CA12: variants seen among roughly 807,000 people sequenced by gnomAD.
The protein encoded by CA12 is carbonic anhydrase 12.
CA12 carries 36 observed loss-of-function variants against 46.8 expected under a neutral mutation model. The observed-to-expected ratio is 0.77, with a 90% CI of 0.59 to 1.02. The LOEUF (loss-of-function observed/expected upper bound fraction) is 1.02, where lower values mean the gene tolerates loss of function less well. CA12 is among the 50% of genes least tolerant of loss of function. CA12 has a pLI of 0.00. For missense variants in CA12, 436 were observed against 451.4 expected (o/e 0.97, Z 0.31); for synonymous variants, 202 against 187.0 (o/e 1.08, Z -0.65).
chr15:63,349,111 T>C (rs1219698676), intron 2 of CA12, among the ~76,000 whole-genome samples: 1 of 152,172 alleles, frequency 6.6e-6, no homozygotes, highest in Non-Finnish European at 1.5e-5. Context: ...GTGGGTTATG[T>C]TCCCTGCTGG....
chr15:63,333,432 G>A (rs2038960973), intron 8 of CA12, among the ~76,000 whole-genome samples: 1 of 152,232 alleles, frequency 6.6e-6, no homozygotes, highest in African/African-American at 2.4e-5. Flanking sequence ...AACATGTGGT[G>A]TGTGAAAGGC....
chr15:63,365,324 G>A lies in CA12; in HGVS notation c.106+10334C>T, dbSNP rs376127251. Among the ~76,000 whole-genome samples the A allele has an allele frequency of 1.7e-4, 26 of 152,194 alleles. No homozygotes were observed. In the East Asian group the frequency reaches 1.7e-3, roughly 10 times the overall value. Reference sequence around the variant, plus strand: ...AAAAAAATCCCTGCATTTCCTCAACGGCATGAGGTGTAGTGCAGGGCACAC... The same window carrying A: ...AAAAAAATCCCTGCATTTCCTCAACAGCATGAGGTGTAGTGCAGGGCACAC... On this transcript the variant is annotated intron_variant, in intron 2 of 10. Coordinates refer to ENST00000178638, the MANE Select transcript of CA12 (RefSeq NM_001218.5).
At chr15:63,333,186 T>C (rs1371429465) in intron 8 of CA12, among the ~76,000 whole-genome samples, 1 of 152,210 alleles carries the variant, frequency 6.6e-6, no homozygotes, top group Non-Finnish European at 1.5e-5. Flanking sequence ...GCATCTGCCC[T>C]ACAGTTTTGG....
At chr15:63,375,622 C>A (rs1283680853) in intron 2 of CA12, 36 bp downstream of exon 2, 3 of 1,370,218 alleles carry the variant, frequency 2.2e-6, no homozygotes, top group African/African-American at 2.9e-5. Context: ...TTTCTATTTT[C>A]TTTTCAACAA....
intron 2 of CA12, among the ~76,000 whole-genome samples, chr15:63,353,269 C>A (rs1285826688): frequency 6.6e-6 from 1 of 152,014 alleles, no homozygotes; most frequent in Non-Finnish European, 1.5e-5. Flanking sequence ...AGAGGAGGCG[C>A]CGTTAAAGCT....
chr15:63,336,830 G>T (rs2039010776), intron 8 of CA12, among the ~76,000 whole-genome samples: 1 of 152,124 alleles, frequency 6.6e-6, no homozygotes, highest in Non-Finnish European at 1.5e-5. Context: ...CCCCTTCCCT[G>T]GGTGTGCATA....
chr15:63,367,451 C>G (rs746909550), intron 2 of CA12, among the ~76,000 whole-genome samples: 10 of 152,170 alleles, frequency 6.6e-5, no homozygotes, highest in Non-Finnish European at 1.3e-4. Flanking sequence ...AGGAGCCACC[C>G]TGGGAAGGCA....
chr15:63,334,085 C>A (rs1010536937), intron 8 of CA12, among the ~76,000 whole-genome samples: 1 of 152,010 alleles, frequency 6.6e-6, no homozygotes, highest in Non-Finnish European at 1.5e-5. Context: ...CCTGTGATGT[C>A]CCCCTGCCTC....
chr15:63,371,045 A>G (rs997376321), intron 2 of CA12, among the ~76,000 whole-genome samples: 1 of 152,342 alleles, frequency 6.6e-6, no homozygotes, highest in African/African-American at 2.4e-5. Flanking sequence ...GAGGTCACAC[A>G]GTGCCTTTAT....
intron 1 of CA12, among the ~76,000 whole-genome samples, chr15:63,379,830 A>G (rs1258969523): frequency 1.3e-5 from 2 of 152,248 alleles, no homozygotes; most frequent in Admixed American, 1.3e-4. Context: ...CAAGCTCTGC[A>G]GAATTCACTG....
rs780590139 is a variant in CA12 at position 63,330,883 on chromosome 15, GA to G, written c.875-2754del. Among the ~76,000 whole-genome samples, 1 of 152,192 alleles carries G rather than the reference GA, an allele frequency of 6.6e-6. No individual in the cohort carries two copies. Among genetic ancestry groups the G allele is most frequent in the Non-Finnish European group, 1.5e-5 (1 of 68,032 alleles). On this transcript the variant is annotated intron_variant, in intron 8 of 10. Coordinates refer to ENST00000178638, the MANE Select transcript of CA12 (RefSeq NM_001218.5). The surrounding 1 kb of genome is among the most constrained non-coding windows in gnomAD (Gnocchi z 4.0). ...TAAATGGACTCTCCTTGGAAACAAC[GA>G]AATGAGACCAAACAGGCATGAAGAC...
intron 2 of CA12, among the ~76,000 whole-genome samples, chr15:63,362,071 C>T (rs2039370776): frequency 6.6e-6 from 1 of 152,078 alleles, no homozygotes. Flanking sequence ...GCTTTGCGGG[C>T]CCTGTGGTTT....
chr15:63,328,203 G>C lies in CA12; in HGVS notation c.875-73C>G. On this transcript the variant is annotated intron_variant, in intron 8 of 10. Coordinates refer to ENST00000178638, the MANE Select transcript of CA12 (RefSeq NM_001218.5). The surrounding 1 kb of genome is among the most constrained non-coding windows in gnomAD (Gnocchi z 5.9). ...ACTGGATTTGAGCAGCGTGTTGAGA[G>C]ACGCTCTACCATTTGTTTGGTCTTA... is the stretch of plus-strand genomic sequence containing the variant. 1.5e-6 allele frequency: 2 copies of C among 1,352,254 alleles called. No individual in the cohort carries two copies. The highest frequency in any genetic ancestry group is 2.1e-6 in the Non-Finnish European group (2 of 943,116). The allele number at this position is 1,352,254 out of a possible 1,614,324, so 83.8% of individuals were successfully genotyped here.
intron 2 of CA12, among the ~76,000 whole-genome samples, chr15:63,354,242 C>T (rs1408815665): frequency 2.6e-5 from 4 of 151,980 alleles, no homozygotes; most frequent in East Asian, 1.9e-4. Context: ...GAGGTGGTCC[C>T]GGGACAGTGA....
At chr15:63,332,889 T>C (rs931702428) in intron 8 of CA12, among the ~76,000 whole-genome samples, 1 of 152,184 alleles carries the variant, frequency 6.6e-6, no homozygotes, top group African/African-American at 2.4e-5. Flanking sequence ...TAAAAATGAG[T>C]AACACGTCAG....
At chr15:63,363,104 T>C (rs726351) in intron 2 of CA12, among the ~76,000 whole-genome samples, 24,131 of 152,218 alleles carry the variant, frequency 0.16, 3,200 homozygotes, top group African/African-American at 0.36. Flanking sequence ...GCACGCTGGG[T>C]CCCAGGCCCT....
Position 63,342,052 on chromosome 15 carries a change from TG to T in CA12, c.474del (p.Ser158ArgfsTer36). The T allele has an allele frequency of 6.2e-7, 1 of 1,614,146 alleles. No individual in the cohort carries two copies. The highest frequency in any genetic ancestry group is 8.5e-7 in the Non-Finnish European group (1 of 1,179,988). ...HYNSDLYPDA[S>X]TASNKSEGLA... ...AGGCCTTCTGACTTGTTGCTGGCAG[TG>T]CTGGCGTCAGGATAAAGGTCTGAGT... is the stretch of plus-strand genomic sequence containing the variant. On this transcript the variant is annotated frameshift_variant, in exon 5 of 11. Transcript: ENST00000178638. LOFTEE classifies it high-confidence loss of function.
chr15:63,342,219 G>A (rs2039088069), intron 4 of CA12, 122 bp from the exon 5 acceptor site: 2 of 715,590 alleles, frequency 2.8e-6, no homozygotes, highest in Admixed American at 2.0e-5. Context: ...CCCCAGACTA[G>A]GTTAGGTCTC....
intron 1 of CA12, among the ~76,000 whole-genome samples, chr15:63,380,406 A>T (rs1447877919): frequency 1.3e-5 from 2 of 152,214 alleles, no homozygotes; most frequent in Non-Finnish European, 2.9e-5. Flanking sequence ...TATAGGAAAG[A>T]GGGCCAACTA....
Sources: allele counts gnomAD v4.1 joint callset (sites outside exome capture counted in the v4.1 genomes callset), GRCh38; gene constraint gnomAD v4.1.1; non-coding constraint Gnocchi (gnomAD v3.1); transcripts MANE v1.5; gene names NCBI Gene and HGNC (gene_info 2026-07-23, HGNC 2026-07-21).